Variants in NCAM1 observed in about 807,000 individuals in gnomAD.
NCAM1 encodes the protein antigen recognized by monoclonal antibody 5.1H11.
NCAM1 carries 14 observed loss-of-function variants against 109.8 expected under a neutral mutation model. That is an observed-to-expected ratio of 0.13 (90% CI 0.08 to 0.20). NCAM1 has a LOEUF of 0.20. Among genes scored for constraint, NCAM1 ranks in the 10% least tolerant of loss-of-function variants. The probability of loss-of-function intolerance (pLI) is 1.00; values close to 1 mark genes in which losing one functional copy is unlikely to be tolerated. For synonymous variants in NCAM1, 418 were observed against 442.9 expected (o/e 0.94, Z 0.70); for missense variants, 774 against 1,109.9 (o/e 0.70, Z 4.30).
At chr11:113,260,014 C>A in intron 16 of NCAM1, 132 bp from the exon 17 acceptor site, 1 of 795,070 alleles carries the variant, frequency 1.3e-6, no homozygotes, top group Non-Finnish European at 1.9e-6. Context: ...CCCATCATTG[C>A]TTCTTATTTT....
intron 1 of NCAM1, among the ~76,000 whole-genome samples, chr11:113,152,975 G>A (rs555652239): frequency 8.5e-5 from 13 of 152,076 alleles, no homozygotes; most frequent in South Asian, 2.1e-4. Flanking sequence ...ATAGAGGGTC[G>A]AGCCAGACAG....
At chr11:113,234,410 A>T (rs1379624185) in intron 13 of NCAM1, among the ~76,000 whole-genome samples, 11 of 151,928 alleles carry the variant, frequency 7.2e-5, no homozygotes, top group African/African-American at 2.7e-4. Context: ...TATCATCCCA[A>T]ACTGAAACTC....
intron 1 of NCAM1, among the ~76,000 whole-genome samples, chr11:113,008,286 C>A (rs1951940857): frequency 6.6e-6 from 1 of 152,132 alleles, no homozygotes; most frequent in South Asian, 2.1e-4. Flanking sequence ...TCAGAATAAT[C>A]ACAGATAGGG....
At chr11:113,266,110 G>A (rs557937696) in intron 17 of NCAM1, among the ~76,000 whole-genome samples, 1 of 152,322 alleles carries the variant, frequency 6.6e-6, no homozygotes, top group East Asian at 1.9e-4. Flanking sequence ...GAAGACCATA[G>A]CAAAGACAGA....
chr11:113,056,699 C>G (rs546354561), intron 1 of NCAM1, among the ~76,000 whole-genome samples: 2 of 152,130 alleles, frequency 1.3e-5, no homozygotes, highest in African/African-American at 4.8e-5. Context: ...CCAACCCTTC[C>G]CTAGATGAGC....
At chr11:113,074,693 A>G (rs557901332) in intron 1 of NCAM1, among the ~76,000 whole-genome samples, 4 of 152,228 alleles carry the variant, frequency 2.6e-5, no homozygotes, top group African/African-American at 9.6e-5. Flanking sequence ...GTGCAGAGGC[A>G]TGATCTCTGC....
intron 14 of NCAM1, chr11:113,246,102 A>C (rs1555120144): frequency 5.8e-6 from 3 of 521,126 alleles, no homozygotes; most frequent in African/African-American, 3.8e-5. Context: ...ATGATTTATT[A>C]TTCTTCTATT....
intron 1 of NCAM1, among the ~76,000 whole-genome samples, chr11:113,087,889 G>A (rs1203667373): frequency 3.9e-5 from 6 of 152,242 alleles, no homozygotes; most frequent in Admixed American, 2.0e-4. Flanking sequence ...TATCCTTAGC[G>A]GCTAAGATCG....
chr11:113,192,133 T>C (rs367974315), intron 1 of NCAM1, among the ~76,000 whole-genome samples: 1 of 152,214 alleles, frequency 6.6e-6, no homozygotes, highest in Non-Finnish European at 1.5e-5. Context: ...AGTACCTTTT[T>C]ATAGCTGGAA....
In NCAM1 at chr11:112,961,481, A is replaced by C. The variant is rs782271253; in HGVS notation, c.-132A>C. 1.3e-6 allele frequency: 1 copy of C among 793,142 alleles called. No individual in the cohort carries two copies. The highest frequency in any genetic ancestry group is 2.3e-6 in the Non-Finnish European group (1 of 430,558). The allele number at this position is 793,142 out of a possible 1,614,324, so 49.1% of individuals were successfully genotyped here. A position where few individuals can be genotyped will look rare whatever the true frequency, so the allele number is the denominator to read the frequency against. ...TGCCGCTGGCAGGAAACAATTCTGCAAAAATAATCATACTCAGCCTGGCAA... is the reference window on the plus strand; with the variant it reads ...TGCCGCTGGCAGGAAACAATTCTGCCAAAATAATCATACTCAGCCTGGCAA... On this transcript the variant is annotated 5_prime_UTR_variant, in exon 1 of 20. Coordinates refer to ENST00000316851, the MANE Select transcript of NCAM1 (RefSeq NM_181351.5).
At chr11:113,013,934 C>G (rs1188520846) in intron 1 of NCAM1, among the ~76,000 whole-genome samples, 5 of 152,158 alleles carry the variant, frequency 3.3e-5, no homozygotes, top group African/African-American at 1.2e-4. Flanking sequence ...GATACCTGTC[C>G]TAATTGTCCC....
At chr11:113,064,061 T>C (rs564910867) in intron 1 of NCAM1, among the ~76,000 whole-genome samples, 23 of 152,242 alleles carry the variant, frequency 1.5e-4, no homozygotes, top group Non-Finnish European at 2.6e-4. Context: ...TTTACAACTA[T>C]TGAAACAGTT....
chr11:113,222,497 C>G (rs1176796725), intron 9 of NCAM1, among the ~76,000 whole-genome samples: 1 of 152,190 alleles, frequency 6.6e-6, no homozygotes, highest in African/African-American at 2.4e-5. Flanking sequence ...ATTGGGATGA[C>G]TGTTAAGTGC....
At chr11:113,241,182 A>G (rs1354197215) in intron 14 of NCAM1, among the ~76,000 whole-genome samples, 2 of 152,132 alleles carry the variant, frequency 1.3e-5, no homozygotes, top group African/African-American at 4.8e-5. Context: ...GACCAAGAAA[A>G]ATGTCTCCTC....
chr11:113,133,819 A>G (rs1266943044), intron 1 of NCAM1: 1 of 152,222 alleles, frequency 6.6e-6, no homozygotes, highest in Non-Finnish European at 1.5e-5. Flanking sequence ...TTGGCTCCAG[A>G]CTTTGAAGCA....
chr11:113,168,436 G>T (rs1478396374), intron 1 of NCAM1, among the ~76,000 whole-genome samples: 1 of 152,140 alleles, frequency 6.6e-6, no homozygotes, highest in Non-Finnish European at 1.5e-5. Context: ...TTGCACGGTC[G>T]TGACTAGCTC....
intron 14 of NCAM1, among the ~76,000 whole-genome samples, chr11:113,242,012 T>A (rs1365691582): frequency 6.6e-6 from 1 of 152,180 alleles, no homozygotes; most frequent in Non-Finnish European, 1.5e-5. Flanking sequence ...GCTTTGGAAG[T>A]AGACAGACCT....
chr11:113,022,876 T>C (rs1330324974), intron 1 of NCAM1, among the ~76,000 whole-genome samples: 1 of 152,122 alleles, frequency 6.6e-6, no homozygotes, highest in Non-Finnish European at 1.5e-5. Context: ...ACATCTGCAT[T>C]CTAGCAAACT....
intron 1 of NCAM1, among the ~76,000 whole-genome samples, chr11:113,192,624 C>A (rs1421120712): frequency 6.6e-6 from 1 of 152,064 alleles, no homozygotes; most frequent in Admixed American, 6.6e-5. Context: ...GCAGGTGAGA[C>A]CGGGACAGAG....
Sources: gnomAD v4.1 joint callset for allele counts (sites outside exome capture counted in the v4.1 genomes callset) on GRCh38, gnomAD v4.1.1 for gene constraint, MANE v1.5 for transcripts, NCBI Gene and HGNC (gene_info 2026-07-23, HGNC 2026-07-21) for gene names.